The following MCF2 variants were observed in gnomAD, a reference collection of about 807,000 sequenced individuals.
MCF2 encodes MCF.2 cell line derived transforming sequence.
A neutral mutation model predicts 82.5 loss-of-function variants in MCF2; 44 were observed. The observed-to-expected ratio is 0.53, with a 90% CI of 0.42 to 0.69. MCF2 has a LOEUF of 0.69. MCF2 is among the 30% of genes least tolerant of loss of function. The probability of loss-of-function intolerance (pLI) is 0.00; values close to 1 mark genes in which losing one functional copy is unlikely to be tolerated. For synonymous variants in MCF2, 217 were observed against 224.9 expected (o/e 0.96, Z 0.32); for missense variants, 623 against 663.1 (o/e 0.94, Z 0.66).
chrX:139,596,774 G>GA lies in MCF2; in HGVS notation c.2056-5dup. On this transcript the variant is annotated splice_region_variant and splice_polypyrimidine_tract_variant and intron_variant, in intron 18 of 24. Transcript: ENST00000370576. The stretch of plus-strand genomic sequence containing the variant: ...TGCCCAGTTCATTTAAGTTTCCCTA[G>GA]AATGGAAAATCAAAACCCATTAGTA... 1 of 1,178,972 alleles carries GA rather than the reference G, an allele frequency of 8.5e-7. No individual in the cohort carries two copies.
At chrX:139,678,716 G>A (rs1292576092) in intron 1 of MCF2, among the ~76,000 whole-genome samples, 6 of 112,141 alleles carry the variant, frequency 5.4e-5, no homozygotes, top group African/African-American at 1.3e-4. Flanking sequence ...ATGAACACTT[G>A]AAAAGATGCT....
chrX:139,610,149 G>A (rs759643318), intron 11 of MCF2, 152 bp downstream of exon 15: 87 of 393,294 alleles, frequency 2.2e-4, no homozygotes, highest in Non-Finnish European at 3.5e-4. Context: ...CAGTAATGCA[G>A]TGAAACACAA....
chrX:139,688,366 G>A (rs901122942), intron 1 of MCF2, among the ~76,000 whole-genome samples: 1 of 111,568 alleles, frequency 9.0e-6, no homozygotes, highest in Non-Finnish European at 1.9e-5. Flanking sequence ...ATATTTTAAG[G>A]GGAAAAAGTC....
exon 25 of MCF2, chrX:139,582,269 G>T: frequency 4.3e-6 from 2 of 463,861 alleles, no homozygotes; most frequent in Non-Finnish European, 7.7e-6. Context: ...TTAAATACAT[G>T]ATTTTAAAAA....
At position 139,628,084 on chromosome X, in the gene MCF2, T is replaced by C. The variant is rs140847667; in HGVS notation, c.439-1328A>G. On this transcript the variant is annotated intron_variant, in intron 4 of 24. Transcript: ENST00000370576. ...GCAGTCTGGAGATTTCTCAAAGAGC[T>C]TAAAACAGAACACCATTCAACCCAG... Among the ~76,000 whole-genome samples, 156 of 112,089 alleles carry C rather than the reference T, an allele frequency of 1.4e-3. 1 individual carries two copies. The highest frequency in any genetic ancestry group is 4.9e-3 in the African/African-American group (151 of 30,919).
At chrX:139,658,580 A>AAGAT (rs1199137701) in intron 1 of MCF2, among the ~76,000 whole-genome samples, 2 of 110,660 alleles carry the variant, frequency 1.8e-5, no homozygotes, top group Non-Finnish European at 3.8e-5. Flanking sequence ...CTTGAAATTT[A>AAGAT]AGATACATTA....
intron 1 of MCF2, among the ~76,000 whole-genome samples, chrX:139,685,284 G>C (rs1935094225): frequency 9.0e-6 from 1 of 110,804 alleles, no homozygotes; most frequent in Admixed American, 9.6e-5. Context: ...CCCAATTTCT[G>C]CCTCCAAAGA....
exon 1 of MCF2, chrX:139,642,812 T>A: frequency 1.0e-6 from 1 of 977,607 alleles, no homozygotes; most frequent in Non-Finnish European, 1.3e-6. Flanking sequence ...TAGCTTGTGC[T>A]GGACTGCTCA....
chrX:139,648,533 G>C (rs1220719459), intron 2 of MCF2, among the ~76,000 whole-genome samples: 1 of 112,094 alleles, frequency 8.9e-6, no homozygotes, highest in Non-Finnish European at 1.9e-5. Context: ...TTATATGATA[G>C]TAAGATGGTA....
At chrX:139,668,863 T>C (rs1330470568) in intron 1 of MCF2, among the ~76,000 whole-genome samples, 3 of 110,922 alleles carry the variant, frequency 2.7e-5, no homozygotes, top group Non-Finnish European at 3.8e-5. Flanking sequence ...TCTACATATG[T>C]CATATATATA....
intron 1 of MCF2, among the ~76,000 whole-genome samples, chrX:139,698,296 C>T (rs1013058019): frequency 3.5e-5 from 4 of 112,856 alleles, no homozygotes; most frequent in Non-Finnish European, 7.5e-5. Context: ...CTTGCTCAAA[C>T]GATGATGATA....
intron 1 of MCF2, among the ~76,000 whole-genome samples, chrX:139,687,396 A>C (rs1463011789): frequency 8.8e-6 from 1 of 113,371 alleles, no homozygotes; most frequent in Non-Finnish European, 1.9e-5. Context: ...TCTCTGGAAC[A>C]AGACGTCGAA....
At chrX:139,680,533 A>C (rs1284954036) in intron 1 of MCF2, among the ~76,000 whole-genome samples, 2 of 112,204 alleles carry the variant, frequency 1.8e-5, no homozygotes, top group African/African-American at 6.5e-5. Flanking sequence ...ATGTTTGAAC[A>C]TGAGCTTAAA....
chrX:139,642,042 A>T (rs1477312357), intron 1 of MCF2, among the ~76,000 whole-genome samples: 1 of 111,434 alleles, frequency 9.0e-6, no homozygotes, highest in Non-Finnish European at 1.9e-5. Context: ...GAAAGGCTGC[A>T]TTTTTAAGTG....
At chrX:139,613,258 C>T (rs1164206842) in intron 10 of MCF2, 2 of 1,146,268 alleles carry the variant, frequency 1.7e-6, no homozygotes, top group East Asian at 6.5e-5. Context: ...GAGTATCCAA[C>T]TCCCACTGCA....
At chrX:139,666,166 T>C (rs1052979417) in intron 1 of MCF2, among the ~76,000 whole-genome samples, 1 of 108,571 alleles carries the variant, frequency 9.2e-6, no homozygotes, top group African/African-American at 3.3e-5. Flanking sequence ...TTGACTATAG[T>C]CACTCTATTG....
rs150952421 is a variant in MCF2 at position 139,596,651 on chromosome X, G to A, written c.2175C>T (p.His725=). Residue 725 remains histidine, a synonymous_variant, in exon 19 of 25, where the codon CAC becomes CAT. Transcript: ENST00000370576. Reference sequence around the variant, plus strand: ...CAATGGCTTTTTCATACAAGAAAAGGTGTCGCTGCATTGGTTTGAATCTAG... The same window carrying A: ...CAATGGCTTTTTCATACAAGAAAAGATGTCGCTGCATTGGTTTGAATCTAG... The A allele has an allele frequency of 8.0e-5, 97 of 1,206,994 alleles. No individual in the cohort carries two copies. In the African/African-American group the frequency reaches 1.3e-3, roughly 17 times the overall value.
chrX:139,696,958 C>A (rs1426646396), intron 1 of MCF2, among the ~76,000 whole-genome samples: 1 of 112,007 alleles, frequency 8.9e-6, no homozygotes, highest in African/African-American at 3.2e-5. Context: ...ACATTAGGTT[C>A]TTTGCCATGT....
intron 1 of MCF2, among the ~76,000 whole-genome samples, chrX:139,665,892 T>TGC (rs1934496594): frequency 1.4e-5 from 1 of 70,708 alleles, no homozygotes; most frequent in African/African-American, 7.7e-5. Flanking sequence ...ATGGTAGGTG[T>TGC]GTGTGTATAT....
Sources: allele counts gnomAD v4.1 joint callset (sites outside exome capture counted in the v4.1 genomes callset), GRCh38; gene constraint gnomAD v4.1.1; transcripts MANE v1.5; gene names NCBI Gene and HGNC (gene_info 2026-07-23, HGNC 2026-07-21).